FOXO1: variants seen among roughly 807,000 people sequenced by gnomAD.
The protein encoded by FOXO1 is forkhead box O1.
In FOXO1, 6 loss-of-function variants were observed where a neutral mutation model predicts 44.1. The observed-to-expected ratio is 0.14, with a 90% CI of 0.07 to 0.27. The LOEUF is 0.27. FOXO1 is among the 10% of genes least tolerant of loss of function. The pLI, the probability that FOXO1 is intolerant of heterozygous loss-of-function variation, is 1.00. For synonymous variants in FOXO1, 380 were observed against 362.7 expected (o/e 1.05, Z -0.54); for missense variants, 737 against 888.8 (o/e 0.83, Z 2.17).
intron 1 of FOXO1, among the ~76,000 whole-genome samples, chr13:40,663,179 CTTAA>C (rs35581901): frequency 0.055 from 8,378 of 152,236 alleles, 616 homozygotes; most frequent in East Asian, 0.39. Flanking sequence ...AGACAGATAA[CTTAA>C]CAGGTCTCCT....
At chr13:40,596,051 T>A (rs984422922) in intron 1 of FOXO1, among the ~76,000 whole-genome samples, 2 of 151,660 alleles carry the variant, frequency 1.3e-5, no homozygotes. Flanking sequence ...TTGCTCTGAG[T>A]TGGAAGGACA....
At chr13:40,609,792 G>GA (rs1340343314) in intron 1 of FOXO1, among the ~76,000 whole-genome samples, 1 of 152,030 alleles carries the variant, frequency 6.6e-6, no homozygotes, top group Non-Finnish European at 1.5e-5. Flanking sequence ...CCTTGGATAG[G>GA]AAAAAACACA....
At chr13:40,616,644 G>A (rs572532962) in intron 1 of FOXO1, among the ~76,000 whole-genome samples, 34 of 152,266 alleles carry the variant, frequency 2.2e-4, no homozygotes, top group Non-Finnish European at 3.7e-4. Context: ...TGGAGGTATC[G>A]GAAGCTACTA....
chr13:40,623,263 A>G (rs1482329564), intron 1 of FOXO1, among the ~76,000 whole-genome samples: 1 of 152,116 alleles, frequency 6.6e-6, no homozygotes, highest in Non-Finnish European at 1.5e-5. Context: ...CTATGAACAC[A>G]GGCTTTTTTT....
intron 1 of FOXO1, among the ~76,000 whole-genome samples, chr13:40,581,976 G>C (rs1043034909): frequency 6.6e-6 from 1 of 152,144 alleles, no homozygotes; most frequent in Non-Finnish European, 1.5e-5. Flanking sequence ...CTACCTCTGG[G>C]ACAAGGAGGG....
At chr13:40,629,859 G>A (rs1876904677) in intron 1 of FOXO1, among the ~76,000 whole-genome samples, 1 of 152,182 alleles carries the variant, frequency 6.6e-6, no homozygotes, top group Non-Finnish European at 1.5e-5. Context: ...TCTGTAAGAG[G>A]AAGCTACAGT....
At position 40,665,911 on chromosome 13, in the gene FOXO1, G is replaced by A. The variant is rs1208565101; in HGVS notation, c.302C>T (p.Ala101Val). ...AAAVAAAAAA[A>V]ATGGLCGDFQ... The stretch of plus-strand genomic sequence containing the variant: ...GTCCCCGCACAGCCCCCCGGTGGCG[G>A]CCGCGGCGGCCGCCGCCGCCACCGC... Residue 101 changes from alanine (A) to valine (V), a missense_variant, in exon 1 of 3, where the codon GCC (alanine) becomes GTC (valine). Coordinates refer to ENST00000379561, the MANE Select transcript of FOXO1 (RefSeq NM_002015.4). The A allele has an allele frequency of 8.4e-7, 1 of 1,185,782 alleles. No individual in the cohort carries two copies. Among genetic ancestry groups the A allele is most frequent in the Non-Finnish European group, 1.0e-6 (1 of 961,506 alleles). The allele number at this position is 1,185,782 out of a possible 1,614,324, so 73.5% of individuals were successfully genotyped here.
chr13:40,627,804 G>C (rs558195515), intron 1 of FOXO1, among the ~76,000 whole-genome samples: 164 of 150,980 alleles, frequency 1.1e-3, no homozygotes, highest in African/African-American at 3.9e-3. Flanking sequence ...TTGCACTCCA[G>C]CCTGGGCAAC....
intron 1 of FOXO1, among the ~76,000 whole-genome samples, chr13:40,652,743 A>AT (rs1290027770): frequency 1.3e-5 from 2 of 152,228 alleles, no homozygotes. Flanking sequence ...ATCTGCCAAA[A>AT]TAAGAGCTTC....
intron 1 of FOXO1, chr13:40,619,104 T>G (rs1230947967): frequency 5.1e-6 from 2 of 394,914 alleles, no homozygotes; most frequent in African/African-American, 4.2e-5. Flanking sequence ...GCCAACATGG[T>G]GAAACCCCAT....
rs1378092863 is a variant in FOXO1, at chr13:40,556,129, C to A, written c.*2920G>T. 6.6e-6 allele frequency: 1 copy of A among 152,176 alleles called. No individual in the cohort carries two copies. Among genetic ancestry groups the A allele is most frequent in the East Asian group, 1.9e-4 (1 of 5,196 alleles). 9.4% of individuals were successfully genotyped at this position (152,176 alleles called of 1,614,324 possible). On this transcript the variant is annotated 3_prime_UTR_variant, in exon 3 of 3. Coordinates refer to ENST00000379561, the MANE Select transcript of FOXO1 (RefSeq NM_002015.4). ...GTTATAAATTAAGAACTCTTAGGAG[C>A]TTGAATGTAAGAATTTTAAGTTGGG...
chr13:40,646,067 CAAA>C (rs879866986), intron 1 of FOXO1, among the ~76,000 whole-genome samples: 1 of 76,660 alleles, frequency 1.3e-5, no homozygotes, highest in Non-Finnish European at 2.7e-5. Context: ...AACTCCGTCT[CAAA>C]AAAAAAAAAA....
intron 1 of FOXO1, among the ~76,000 whole-genome samples, chr13:40,607,393 A>T (rs1876045291): frequency 6.6e-6 from 1 of 152,202 alleles, no homozygotes; most frequent in Admixed American, 6.5e-5. Flanking sequence ...AAGCACCAGA[A>T]AAACATCATT....
intron 1 of FOXO1, among the ~76,000 whole-genome samples, chr13:40,646,695 G>A (rs936139256): frequency 2.0e-5 from 3 of 152,142 alleles, no homozygotes; most frequent in Non-Finnish European, 4.4e-5. Flanking sequence ...CCGGGTTAAT[G>A]AGATTCCCCT....
chr13:40,622,740 T>C (rs12876443), intron 1 of FOXO1, among the ~76,000 whole-genome samples: 10,855 of 152,304 alleles, frequency 0.071, 527 homozygotes, highest in Middle Eastern at 0.19. Context: ...TGGCATAAAA[T>C]GGTTTTTCAA....
chr13:40,605,414 C>T (rs1281184931), intron 1 of FOXO1, among the ~76,000 whole-genome samples: 2 of 152,146 alleles, frequency 1.3e-5, no homozygotes, highest in Non-Finnish European at 2.9e-5. Context: ...AACAGTATTA[C>T]CGTCAGCATT....
chr13:40,561,737 G>A (rs1291693535), intron 1 of FOXO1, among the ~76,000 whole-genome samples: 1 of 152,092 alleles, frequency 6.6e-6, no homozygotes, highest in African/African-American at 2.4e-5. Context: ...AGGAGGCCAA[G>A]GCAGGCAGAT....
At position 40,604,244 on chromosome 13, in the gene FOXO1, G is replaced by A. The variant is rs192788969; in HGVS notation, c.631-43384C>T. Among the ~76,000 whole-genome samples the A allele has an allele frequency of 4.6e-5, 7 of 151,610 alleles. No homozygotes were observed. In the East Asian group the frequency reaches 1.2e-3, roughly 25 times the overall value. On this transcript the variant is annotated intron_variant, in intron 1 of 2. Coordinates refer to ENST00000379561, the MANE Select transcript of FOXO1 (RefSeq NM_002015.4). ...AGCACTATTAACACTTTAAATGTGT[G>A]TCACTTGTTCTTACAAGTCAATCTT...
intron 1 of FOXO1, among the ~76,000 whole-genome samples, chr13:40,577,735 T>C (rs541312305): frequency 2.6e-5 from 4 of 152,236 alleles, no homozygotes; most frequent in South Asian, 4.1e-4. Context: ...TTTAAAAATA[T>C]TATACATGAA....
Sources: allele counts gnomAD v4.1 joint callset (sites outside exome capture counted in the v4.1 genomes callset), GRCh38; gene constraint gnomAD v4.1.1; transcripts MANE v1.5; gene names NCBI Gene and HGNC (gene_info 2026-07-23, HGNC 2026-07-21).